Variants in DYNC2I1 observed in about 807,000 individuals in gnomAD.
DYNC2I1 encodes dynein 2 intermediate chain 1.
Under a neutral mutation model 133.4 loss-of-function variants are expected in DYNC2I1, and 89 were observed. The observed-to-expected ratio is 0.67, with a 90% CI of 0.56 to 0.80. DYNC2I1 has a LOEUF of 0.80. Among genes scored for constraint, DYNC2I1 ranks in the 30% least tolerant of loss-of-function variants. The probability of loss-of-function intolerance (pLI) is 0.00; values close to 1 mark genes in which losing one functional copy is unlikely to be tolerated. For missense variants in DYNC2I1, 1,291 were observed against 1,314.5 expected, an observed-to-expected ratio of 0.98 and a Z score of 0.28; for synonymous variants, 504 against 484.3, an observed-to-expected ratio of 1.04 and a Z score of -0.54.
chr7:158,876,418 CCTT>C (rs780167924), intron 3 of DYNC2I1, among the ~76,000 whole-genome samples, 188 bp from the exon 4 acceptor site: 3 of 152,292 alleles, frequency 2.0e-5, no homozygotes, highest in Non-Finnish European at 4.4e-5. Context: ...ATGTTCATCT[CCTT>C]CTTCATTTTA....
chr7:158,840,953 C>A, the DYNC2I1 span, among the ~76,000 whole-genome samples: 1 of 152,104 alleles, frequency 6.6e-6, no homozygotes, highest in Non-Finnish European at 1.5e-5. Context: ...GGGTTCCACT[C>A]CCTCTCCACC....
intron 7 of DYNC2I1, among the ~76,000 whole-genome samples, chr7:158,888,951 C>A (rs1053827018): frequency 6.6e-6 from 1 of 151,596 alleles, no homozygotes; most frequent in Non-Finnish European, 1.5e-5. Flanking sequence ...GAAAAAAATA[C>A]CTACAAATAT....
At chr7:158,866,398 C>T (rs976086392) in intron 1 of DYNC2I1, among the ~76,000 whole-genome samples, 2 of 150,164 alleles carry the variant, frequency 1.3e-5, no homozygotes, top group African/African-American at 2.5e-5. Flanking sequence ...GTGGTGCCCA[C>T]GTTTCCTGGT....
At chr7:158,876,951 C>A (rs1329662219) in intron 4 of DYNC2I1, among the ~76,000 whole-genome samples, 2 of 152,166 alleles carry the variant, frequency 1.3e-5, no homozygotes, top group Non-Finnish European at 2.9e-5. Flanking sequence ...CTGTCTAATC[C>A]TCACCCACAG....
At chr7:158,957,148 C>T (rs980845215), downstream of DYNC2I1, among the ~76,000 whole-genome samples, 1 of 152,252 alleles carries the variant, frequency 6.6e-6, no homozygotes, top group Non-Finnish European at 1.5e-5. Context: ...GCCACCTTCT[C>T]TAAATCTAAG....
chr7:158,889,107 G>T (rs188711628), intron 7 of DYNC2I1, among the ~76,000 whole-genome samples: 2 of 140,078 alleles, frequency 1.4e-5, no homozygotes, highest in Admixed American at 1.5e-4. Context: ...TTGACATGGG[G>T]TCTCGCTTTG....
intron 10 of DYNC2I1, 37 bp from the exon 11 acceptor site, chr7:158,905,952 C>T: frequency 6.5e-7 from 1 of 1,541,528 alleles, no homozygotes; most frequent in Non-Finnish European, 8.9e-7. Context: ...AGACATATTT[C>T]CGTGTTGGAA....
At chr7:158,911,064 G>A (rs1350199536) in intron 11 of DYNC2I1, among the ~76,000 whole-genome samples, 1 of 152,222 alleles carries the variant, frequency 6.6e-6, no homozygotes, top group Non-Finnish European at 1.5e-5. Context: ...CGATTGGAGC[G>A]TGAAAGGCAG....
At chr7:158,847,583 C>T in the DYNC2I1 span, among the ~76,000 whole-genome samples, 1 of 152,076 alleles carries the variant, frequency 6.6e-6, no homozygotes, top group Non-Finnish European at 1.5e-5. Flanking sequence ...TACTCATACT[C>T]CCAGGCAGTT....
rs753716236 is a variant in DYNC2I1, at chr7:158,902,432, A to G, written c.1194A>G (p.Glu398=). The G allele has an allele frequency of 1.5e-5, 25 of 1,613,890 alleles. No homozygotes were observed. The African/African-American group carries it at 1.7e-4, about 11-fold the overall frequency. ...GTGATGATGATGAAAGCAGTAATGA[A>G]CCTGAGTCAAGAGAAAAACTGGAAG... ...CDGDDDESSN[E]PESREKLEEL... Residue 398 remains glutamate (E), a synonymous_variant, in exon 10 of 25, where the codon GAA becomes GAG. Coordinates refer to ENST00000407559, the MANE Select transcript of DYNC2I1 (RefSeq NM_018051.5).
intron 15 of DYNC2I1, among the ~76,000 whole-genome samples, chr7:158,920,370 C>A (rs939448563): frequency 6.8e-6 from 1 of 146,064 alleles, no homozygotes; most frequent in African/African-American, 2.6e-5. Flanking sequence ...TGTACCACAG[C>A]GTGTGGCCTC....
At chr7:158,871,618 T>G in intron 3 of DYNC2I1, 56 bp downstream of exon 3, 1 of 1,333,940 alleles carries the variant, frequency 7.5e-7, no homozygotes, top group Admixed American at 2.7e-5. Context: ...TCGCTGCTGG[T>G]GACAGGTTGA....
chr7:158,849,729 G>A, the DYNC2I1 span, among the ~76,000 whole-genome samples: 4 of 152,218 alleles, frequency 2.6e-5, no homozygotes, highest in Non-Finnish European at 5.9e-5. Context: ...CTGCTGTCAG[G>A]TTGTCTCTCT....
chr7:158,924,623 T>C (rs11971356), intron 17 of DYNC2I1, among the ~76,000 whole-genome samples: 3,073 of 152,338 alleles, frequency 0.02, 100 homozygotes, highest in African/African-American at 0.069. Flanking sequence ...TTAAAAGATA[T>C]CTTTTAAATA....
intron 8 of DYNC2I1, among the ~76,000 whole-genome samples, chr7:158,894,132 A>ACCGCATATCCTACTGCATATCC (rs1554455812): frequency 6.6e-6 from 1 of 150,954 alleles, no homozygotes; most frequent in Non-Finnish European, 1.5e-5. Context: ...ACCGCATATC[A>ACCGCATATCCTACTGCATATCC]TACCGCATAT....
At chr7:158,839,688 C>T in the DYNC2I1 span, among the ~76,000 whole-genome samples, 3 of 152,172 alleles carry the variant, frequency 2.0e-5, no homozygotes, top group East Asian at 1.9e-4. Flanking sequence ...GGCGTGGTGG[C>T]GGGCGCCTGT....
chr7:158,949,776 T>C (rs913682868), downstream of DYNC2I1, among the ~76,000 whole-genome samples: 5 of 16,404 alleles, frequency 3.0e-4, no homozygotes, highest in African/African-American at 6.2e-4. Flanking sequence ...CATTTTTCCT[T>C]TTTTTTTTTT....
chr7:158,871,637 T>C, intron 3 of DYNC2I1, 75 bp downstream of exon 3: 1 of 1,415,670 alleles, frequency 7.1e-7, no homozygotes, highest in Non-Finnish European at 9.3e-7. Context: ...GATAGCTCGC[T>C]GCCTCCCCTC....
Position 158,925,707 on chromosome 7 carries a change from G to C in DYNC2I1, c.2258-480G>C, listed in dbSNP as rs148630009. Among the ~76,000 whole-genome samples the C allele has an allele frequency of 3.6e-3, 544 of 152,238 alleles. 4 individuals carry two copies. The highest frequency in any genetic ancestry group is 0.013 in the African/African-American group (522 of 41,534). Reference sequence around the variant, plus strand: ...TTTCCTTTGGTTTTGCAAATGCCTGGATTTTGCTCTTGCTGGCAGTTGTGA... The same window carrying C: ...TTTCCTTTGGTTTTGCAAATGCCTGCATTTTGCTCTTGCTGGCAGTTGTGA... On this transcript the variant is annotated intron_variant, in intron 17 of 24. Transcript: ENST00000407559.
Sources: allele counts gnomAD v4.1 joint callset (sites outside exome capture counted in the v4.1 genomes callset), GRCh38; gene constraint gnomAD v4.1.1; transcripts MANE v1.5; gene names NCBI Gene and HGNC (gene_info 2026-07-23, HGNC 2026-07-21).